The following ADAM10 variants were observed in gnomAD, a reference collection of about 807,000 sequenced individuals.
The protein encoded by ADAM10 is ADAM metallopeptidase domain 10.
Under a neutral mutation model 90.1 loss-of-function variants are expected in ADAM10, and 17 were observed. The ratio of observed to expected loss-of-function variants is 0.19; its 90% CI spans 0.13 to 0.28. ADAM10 has a LOEUF of 0.28. Ranked by LOEUF, ADAM10 falls within the 10% of genes least tolerant of loss-of-function variation. ADAM10 has a pLI of 1.00. For synonymous variants in ADAM10, 310 were observed against 298.6 expected, an observed-to-expected ratio of 1.04 and a Z score of -0.40; for missense variants, 610 against 914.3, an observed-to-expected ratio of 0.67 and a Z score of 4.29.
intron 1 of ADAM10, among the ~76,000 whole-genome samples, chr15:58,723,222 T>C (rs1214328311): frequency 2.0e-5 from 3 of 152,070 alleles, no homozygotes; most frequent in Non-Finnish European, 2.9e-5. Context: ...AATTCACTTA[T>C]TTAAAAATCT....
intron 9 of ADAM10, among the ~76,000 whole-genome samples, chr15:58,631,805 T>C (rs1396942198): frequency 1.3e-5 from 2 of 152,194 alleles, no homozygotes; most frequent in Non-Finnish European, 2.9e-5. Context: ...AAATTCCAAG[T>C]ACTCTTTTAA....
At chr15:58,628,565 A>C (rs1896014539) in intron 9 of ADAM10, among the ~76,000 whole-genome samples, 1 of 152,220 alleles carries the variant, frequency 6.6e-6, no homozygotes, top group Admixed American at 6.5e-5. Context: ...AGAGTCAGAT[A>C]CATACAGCAT....
intron 4 of ADAM10, among the ~76,000 whole-genome samples, chr15:58,674,508 A>G (rs1390416616): frequency 6.6e-6 from 1 of 152,194 alleles, no homozygotes; most frequent in East Asian, 1.9e-4. Flanking sequence ...ATGCTTTCTA[A>G]AACAGTTTTC....
rs564340633 is a variant in ADAM10 at position 58,610,978 on chromosome 15, T to C, written c.1804+21A>G. On this transcript the variant is annotated intron_variant, in intron 13 of 15. Coordinates refer to ENST00000260408, the MANE Select transcript of ADAM10 (RefSeq NM_001110.4). ...ATAGTTTGAGGCAAATTTTATACTC[T>C]TGTGTTTTTAAAAGCCTTACTTTTC... 2.0e-5 allele frequency: 31 copies of C among 1,570,038 alleles called. No individual in the cohort carries two copies. The Admixed American group carries it at 4.7e-4, about 24-fold the overall frequency.
intron 2 of ADAM10, among the ~76,000 whole-genome samples, chr15:58,707,570 G>A (rs1482184165): frequency 6.6e-6 from 1 of 151,994 alleles, no homozygotes; most frequent in Non-Finnish European, 1.5e-5. Flanking sequence ...TATGTAAGAA[G>A]ACAAACAGAA....
At chr15:58,694,896 AC>A (rs1897933070) in intron 2 of ADAM10, among the ~76,000 whole-genome samples, 2 of 152,166 alleles carry the variant, frequency 1.3e-5, no homozygotes, top group Admixed American at 6.5e-5. Flanking sequence ...TAGGGTGGAG[AC>A]TAAGAGTAAA....
intron 1 of ADAM10, among the ~76,000 whole-genome samples, chr15:58,736,952 T>C (rs1461740906): frequency 6.6e-6 from 1 of 150,862 alleles, no homozygotes; most frequent in Non-Finnish European, 1.5e-5. Flanking sequence ...CCATCTCTAG[T>C]TTTTTTTTAA....
At chr15:58,638,925 C>A (rs1212944558) in intron 8 of ADAM10, among the ~76,000 whole-genome samples, 2 of 152,100 alleles carry the variant, frequency 1.3e-5, no homozygotes, top group African/African-American at 2.4e-5. Flanking sequence ...TCTAAAACTG[C>A]TCTAAAAAAT....
At position 58,679,302 on chromosome 15, in the gene ADAM10, A is replaced by G. The variant is rs752016457; in HGVS notation, c.326-20T>C. ...CTTCACCTATTAATGAAAGCAACAA[A>G]TTCTTGACAATTTAATTTGCACATG... On this transcript the variant is annotated intron_variant, in intron 3 of 15. Coordinates refer to ENST00000260408, the MANE Select transcript of ADAM10 (RefSeq NM_001110.4). 6.2e-7 allele frequency: 1 copy of G among 1,611,732 alleles called. No individual in the cohort carries two copies. Among genetic ancestry groups the G allele is most frequent in the South Asian group, 1.1e-5 (1 of 91,010 alleles).
intron 5 of ADAM10, among the ~76,000 whole-genome samples, chr15:58,655,742 CTTTTT>C (rs71116585): frequency 2.8e-4 from 11 of 39,674 alleles, no homozygotes; most frequent in African/African-American, 1.1e-3. Flanking sequence ...TATATATATT[CTTTTT>C]TTTTTTTTTT....
At chr15:58,598,371 T>C (rs1207765318) in intron 15 of ADAM10, among the ~76,000 whole-genome samples, 1 of 152,200 alleles carries the variant, frequency 6.6e-6, no homozygotes. Context: ...CTAACATAAG[T>C]TCCAGAGTGC....
At chr15:58,616,228 G>C (rs1347868319) in intron 11 of ADAM10, among the ~76,000 whole-genome samples, 2 of 152,142 alleles carry the variant, frequency 1.3e-5, no homozygotes, top group African/African-American at 4.8e-5. Context: ...AGATAATCTA[G>C]ACAGAAAATC....
chr15:58,666,412 C>T (rs1897084245), intron 4 of ADAM10, among the ~76,000 whole-genome samples: 1 of 151,670 alleles, frequency 6.6e-6, no homozygotes, highest in Non-Finnish European at 1.5e-5. Flanking sequence ...TGATCTATAA[C>T]CTCAAGCAGT....
rs2303532 is a variant in ADAM10, at chr15:58,643,787, T to C, written c.828+99A>G. On this transcript the variant is annotated intron_variant, in intron 7 of 15. Transcript: ENST00000260408. ...ATACAATTAAACTAAACTACTTAAT[T>C]CATAAAGATAAAATTAAAAGCAAGC... 195,688 of 965,018 alleles carry C rather than the reference T, an allele frequency of 0.2. 28,029 individuals carry two copies. The highest frequency in any genetic ancestry group is 0.56 in the African/African-American group (34,504 of 61,724). The allele number at this position is 965,018 out of a possible 1,614,324, so 59.8% of individuals were successfully genotyped here. A position where few individuals can be genotyped will look rare whatever the true frequency, so the allele number is the denominator to read the frequency against.
chr15:58,696,450 CTTT>C (rs1440401637), intron 2 of ADAM10, among the ~76,000 whole-genome samples: 1 of 149,250 alleles, frequency 6.7e-6, no homozygotes, highest in South Asian at 2.1e-4. Flanking sequence ...ATACTGATTT[CTTT>C]TTTTCTTTCT....
At chr15:58,711,284 TA>T (rs1898465386) in intron 2 of ADAM10, among the ~76,000 whole-genome samples, 1 of 152,220 alleles carries the variant, frequency 6.6e-6, no homozygotes, top group South Asian at 2.1e-4. Context: ...GGTACCCAAA[TA>T]AATACACAGG....
chr15:58,679,365 T>A, intron 3 of ADAM10, 83 bp from the exon 4 acceptor site: 1 of 1,199,118 alleles, frequency 8.3e-7, no homozygotes, highest in Non-Finnish European at 1.2e-6. Flanking sequence ...TATATGTGTG[T>A]ATATATATAC....
At chr15:58,599,776 T>TA in intron 14 of ADAM10, 52 bp from the exon 15 acceptor site, 1 of 1,561,474 alleles carries the variant, frequency 6.4e-7, no homozygotes. Context: ...CAAAATATTT[T>TA]AGAGTATCTT....
intron 2 of ADAM10, among the ~76,000 whole-genome samples, chr15:58,717,362 A>G (rs1238013248): frequency 6.6e-6 from 1 of 152,240 alleles, no homozygotes; most frequent in South Asian, 2.1e-4. Context: ...CATAAATTCA[A>G]AAACATTTAA....
Sources: allele counts gnomAD v4.1 joint callset (sites outside exome capture counted in the v4.1 genomes callset), GRCh38; gene constraint gnomAD v4.1.1; transcripts MANE v1.5; gene names NCBI Gene and HGNC (gene_info 2026-07-23, HGNC 2026-07-21).